The following CENPP variants were observed in gnomAD, a reference collection of about 807,000 sequenced individuals.
CENPP encodes the protein centromere protein P.
Under a neutral mutation model 35.6 loss-of-function variants are expected in CENPP, and 24 were observed. The ratio of observed to expected loss-of-function variants is 0.67; its 90% CI spans 0.49 to 0.95. CENPP has a LOEUF of 0.95. Ranked by LOEUF, CENPP falls within the 40% of genes least tolerant of loss-of-function variation. CENPP has a pLI of 0.00. For synonymous variants in CENPP, 120 were observed against 125.5 expected (o/e 0.96, Z 0.29); for missense variants, 332 against 345.3 (o/e 0.96, Z 0.31).
At position 92,616,264 on chromosome 9, in the gene CENPP, G is replaced by C. The variant is rs1851430427; in HGVS notation, c.*3115G>C. The C allele has an allele frequency of 1.3e-5, 7 of 522,424 alleles. No individual in the cohort carries two copies. The highest frequency in any genetic ancestry group is 4.2e-4 in the Middle Eastern group (1 of 2,362). The allele number at this position is 522,424 out of a possible 1,614,324, so 32.4% of individuals were successfully genotyped here. ...AAGAGCACTCGTTCTGTGCACCTGT[G>C]ATCTGTGCGTGTGACAGCTGTCTGT... On this transcript the variant is annotated 3_prime_UTR_variant, in exon 8 of 8. Transcript: ENST00000375587.
chr9:92,450,356 T>C (rs1844673147), intron 5 of CENPP, among the ~76,000 whole-genome samples: 1 of 151,666 alleles, frequency 6.6e-6, no homozygotes, highest in South Asian at 2.1e-4. Context: ...TTTGGTTTTT[T>C]GTTCTTGCGA....
chr9:92,474,765 CAT>C (rs1491063203), intron 5 of CENPP: 1 of 1,612,992 alleles, frequency 6.2e-7, no homozygotes, highest in Non-Finnish European at 8.5e-7. Context: ...TCATCATCAT[CAT>C]CATCATCATC....
chr9:92,482,941 T>TA (rs1328383243), intron 5 of CENPP, among the ~76,000 whole-genome samples: 2 of 151,960 alleles, frequency 1.3e-5, no homozygotes, highest in African/African-American at 2.4e-5. Context: ...TTAGCACTGC[T>TA]ATAGCATGTC....
intron 5 of CENPP, among the ~76,000 whole-genome samples, chr9:92,434,508 A>C (rs1229791322): frequency 6.6e-6 from 1 of 152,202 alleles, no homozygotes; most frequent in African/African-American, 2.4e-5. Context: ...ATCTAAATAA[A>C]CATAAGTATT....
At chr9:92,534,426 G>A (rs371968827) in intron 5 of CENPP, among the ~76,000 whole-genome samples, 5 of 152,178 alleles carry the variant, frequency 3.3e-5, no homozygotes, top group Middle Eastern at 6.8e-3. Context: ...TTCAACAAAC[G>A]GCAGTCTCTA....
At position 92,615,300 on chromosome 9, in the gene CENPP, A is replaced by T. The variant is rs1263544329; in HGVS notation, c.*2151A>T. ...GCTCAGAATCGGCATCTGCGCGACC[A>T]CGAGGTCACGCTGTGCAGCAGGGAA... is the stretch of plus-strand genomic sequence containing the variant. On this transcript the variant is annotated 3_prime_UTR_variant, in exon 8 of 8. Transcript: ENST00000375587. 6.2e-6 allele frequency: 1 copy of T among 161,952 alleles called. No homozygotes were observed. The highest frequency in any genetic ancestry group is 1.3e-5 in the Non-Finnish European group (1 of 74,264). 10.0% of individuals were successfully genotyped at this position (161,952 alleles called of 1,614,324 possible).
intron 5 of CENPP, among the ~76,000 whole-genome samples, chr9:92,436,466 T>G (rs1462411275): frequency 6.6e-6 from 1 of 152,230 alleles, no homozygotes; most frequent in Non-Finnish European, 1.5e-5. Context: ...GTGTCATATC[T>G]AAGAACTCTT....
At chr9:92,558,460 G>A (rs1379651979) in intron 5 of CENPP, among the ~76,000 whole-genome samples, 1 of 152,140 alleles carries the variant, frequency 6.6e-6, no homozygotes, top group African/African-American at 2.4e-5. Context: ...GCTGGTACTG[G>A]GGTTGTCTGT....
chr9:92,386,350 G>C, intron 5 of CENPP: 2 of 1,123,112 alleles, frequency 1.8e-6, no homozygotes, highest in South Asian at 2.5e-5. Context: ...TTCTTTCACA[G>C]GATTCAAGCA....
intron 4 of CENPP, among the ~76,000 whole-genome samples, chr9:92,347,666 T>G (rs555320800): frequency 1.3e-5 from 2 of 152,338 alleles, no homozygotes; most frequent in South Asian, 4.1e-4. Flanking sequence ...AAATTTTTAG[T>G]CATTATTTTA....
At chr9:92,361,704 A>C (rs1201469366) in intron 4 of CENPP, among the ~76,000 whole-genome samples, 3 of 151,140 alleles carry the variant, frequency 2.0e-5, no homozygotes, top group Non-Finnish European at 4.4e-5. Context: ...CTGGTCTCGA[A>C]CTCCTGACCT....
At chr9:92,425,538 T>TG (rs1201672757) in intron 5 of CENPP, among the ~76,000 whole-genome samples, 2 of 152,196 alleles carry the variant, frequency 1.3e-5, no homozygotes, top group Non-Finnish European at 2.9e-5. Flanking sequence ...GAGTTCATTT[T>TG]GGGGGGGAAT....
At chr9:92,607,230 G>C (rs968462788) in intron 5 of CENPP, among the ~76,000 whole-genome samples, 1 of 152,142 alleles carries the variant, frequency 6.6e-6, no homozygotes, top group Non-Finnish European at 1.5e-5. Flanking sequence ...TATCCAATTG[G>C]CCCAGTGCCA....
intron 5 of CENPP, among the ~76,000 whole-genome samples, chr9:92,473,964 G>A (rs1313848185): frequency 2.0e-5 from 3 of 152,210 alleles, no homozygotes; most frequent in African/African-American, 7.2e-5. Context: ...AGTGGGGCCA[G>A]TCTCAGCTGT....
At chr9:92,364,317 G>A (rs1841834341) in intron 4 of CENPP, among the ~76,000 whole-genome samples, 1 of 152,144 alleles carries the variant, frequency 6.6e-6, no homozygotes, top group South Asian at 2.1e-4. Context: ...ACAGATGTGA[G>A]CCACTGTGCC....
rs201532115 is a variant in CENPP at position 92,362,365 on chromosome 9, TA to T, written c.467+16587del. On this transcript the variant is annotated intron_variant, in intron 4 of 7. Coordinates refer to ENST00000375587, the MANE Select transcript of CENPP (RefSeq NM_001012267.3). ...TGGGCCACAGGGCAAGATTTGTCTC[TA>T]AAAAAAAAGTTCTTTCCACTTTTTT... 5.4e-3 allele frequency among the ~76,000 whole-genome samples: 826 copies of T among 151,584 alleles called. 6 individuals carry two copies. Among genetic ancestry groups the T allele is most frequent in the African/African-American group, 0.019 (799 of 41,396 alleles).
rs557391236 is a variant in CENPP, at chr9:92,366,717, C to T, written c.468-13046C>T. ...ATTATTCCTCTGATTAATCATTGTA[C>T]AGGTAAGCTGAATGATTATTACACA... is the stretch of plus-strand genomic sequence containing the variant. On this transcript the variant is annotated intron_variant, in intron 4 of 7. Coordinates refer to ENST00000375587, the MANE Select transcript of CENPP (RefSeq NM_001012267.3). 3.5e-4 allele frequency among the ~76,000 whole-genome samples: 53 copies of T among 152,264 alleles called. No homozygotes were observed. In the South Asian group the frequency reaches 0.01, roughly 29 times the overall value.
intron 5 of CENPP, among the ~76,000 whole-genome samples, chr9:92,451,241 A>C (rs941912591): frequency 5.3e-4 from 79 of 150,220 alleles, no homozygotes; most frequent in East Asian, 5.2e-3. Flanking sequence ...TCTAACGTTT[A>C]AGTCTTTAAT....
At chr9:92,438,937 C>T (rs1430889478) in intron 5 of CENPP, among the ~76,000 whole-genome samples, 3 of 152,148 alleles carry the variant, frequency 2.0e-5, no homozygotes, top group African/African-American at 4.8e-5. Flanking sequence ...TGTGACAGAG[C>T]GAGACTCCAT....
Sources: gnomAD v4.1 joint callset for allele counts (sites outside exome capture counted in the v4.1 genomes callset) on GRCh38, gnomAD v4.1.1 for gene constraint, MANE v1.5 for transcripts, NCBI Gene and HGNC (gene_info 2026-07-23, HGNC 2026-07-21) for gene names.